Variants in PHF14 observed in about 807,000 individuals in gnomAD.
PHF14 encodes the protein PHD finger protein 14.
Under a neutral mutation model 117.9 loss-of-function variants are expected in PHF14, and 55 were observed. The observed-to-expected ratio is 0.47, with a 90% CI of 0.38 to 0.58. The LOEUF (loss-of-function observed/expected upper bound fraction) is 0.58. Ranked by LOEUF, PHF14 falls within the 20% of genes least tolerant of loss-of-function variation. The pLI, the probability that PHF14 is intolerant of heterozygous loss-of-function variation, is 0.00. For synonymous variants in PHF14, 409 were observed against 368.6 expected, an observed-to-expected ratio of 1.11 and a Z score of -1.26; for missense variants, 978 against 1,122.2, an observed-to-expected ratio of 0.87 and a Z score of 1.84.
At chr7:11,114,124 T>C (rs569399966) in intron 17 of PHF14, among the ~76,000 whole-genome samples, 38 of 152,252 alleles carry the variant, frequency 2.5e-4, no homozygotes, top group Non-Finnish European at 4.6e-4. Flanking sequence ...ATTTAGATGG[T>C]AAAATGTCTC....
rs1435564639 is a variant in PHF14, at chr7:10,975,036, A to G, written c.112+91A>G. 2.5e-5 allele frequency: 18 copies of G among 715,954 alleles called. No homozygotes were observed. In the Admixed American group the frequency reaches 2.9e-4, roughly 11 times the overall value. The allele number at this position is 715,954 out of a possible 1,614,324, so 44.4% of individuals were successfully genotyped here. A position where few individuals can be genotyped will look rare whatever the true frequency, so the allele number is the denominator to read the frequency against. ...TAAATCGGTTTTGATTAAAATGCCAATTTTAAGTGAAAGCACGTAAACTTC... is the reference window on the plus strand; with the variant it reads ...TAAATCGGTTTTGATTAAAATGCCAGTTTTAAGTGAAAGCACGTAAACTTC... On this transcript the variant is annotated intron_variant, in intron 2 of 17. Transcript: ENST00000634607.
intron 17 of PHF14, among the ~76,000 whole-genome samples, chr7:11,136,981 G>A (rs1400543635): frequency 1.3e-5 from 2 of 152,144 alleles, no homozygotes; most frequent in African/African-American, 2.4e-5. Context: ...CTAACATTTC[G>A]TTAGGACCTT....
chr7:10,994,624 G>T (rs1782569056), intron 4 of PHF14, among the ~76,000 whole-genome samples: 1 of 152,140 alleles, frequency 6.6e-6, no homozygotes, highest in Non-Finnish European at 1.5e-5. Context: ...GAATTGGTGG[G>T]TTCTTGGTTT....
At chr7:10,976,642 CAT>C (rs1031028837) in intron 2 of PHF14, among the ~76,000 whole-genome samples, 1 of 151,918 alleles carries the variant, frequency 6.6e-6, no homozygotes, top group African/African-American at 2.4e-5. Context: ...CTGATACAAA[CAT>C]AAAGTACTTT....
At chr7:11,107,829 T>A in intron 16 of PHF14, 5 of 679,348 alleles carry the variant, frequency 7.4e-6, no homozygotes, top group Non-Finnish European at 9.1e-6. Context: ...AATTTTGTCC[T>A]ATATTATGTG....
intron 16 of PHF14, chr7:11,104,972 A>G (rs1787211585): frequency 4.4e-6 from 4 of 917,546 alleles, no homozygotes; most frequent in African/African-American, 1.8e-5. Flanking sequence ...TCCTCTAGAT[A>G]AAAGAATTAG....
At chr7:11,041,424 TTGTGTGTGTG>T (rs58282147) in intron 12 of PHF14, among the ~76,000 whole-genome samples, 2 of 150,272 alleles carry the variant, frequency 1.3e-5, no homozygotes, top group Non-Finnish European at 3.0e-5. Context: ...GCTGGTGTTT[TTGTGTGTGTG>T]TGTGTGTGTA....
At chr7:11,025,894 C>G (rs1783891315) in intron 6 of PHF14, among the ~76,000 whole-genome samples, 1 of 152,022 alleles carries the variant, frequency 6.6e-6, no homozygotes, top group Non-Finnish European at 1.5e-5. Context: ...GGTGGGTCAC[C>G]TGAGGTCAGG....
intron 4 of PHF14, chr7:11,006,803 T>C: frequency 1.2e-6 from 1 of 802,542 alleles, no homozygotes; most frequent in Non-Finnish European, 2.1e-6. Flanking sequence ...CTTCTTGGCC[T>C]TGAAAGCCTT....
chr7:11,104,741 C>G, intron 16 of PHF14: 1 of 653,628 alleles, frequency 1.5e-6, no homozygotes, highest in Non-Finnish European at 1.9e-6. Context: ...GATCTGCCCT[C>G]TGCCCACTTT....
chr7:10,983,589 G>C (rs1162630262), intron 3 of PHF14, among the ~76,000 whole-genome samples: 1 of 152,038 alleles, frequency 6.6e-6, no homozygotes, highest in Admixed American at 6.6e-5. Flanking sequence ...CCTTAGAGCA[G>C]GGCAACAGTC....
intron 17 of PHF14, among the ~76,000 whole-genome samples, chr7:11,129,723 G>A (rs1218023889): frequency 1.3e-5 from 2 of 151,850 alleles, no homozygotes; most frequent in Non-Finnish European, 2.9e-5. Context: ...TTCACTAGGT[G>A]CTTCAGATGT....
intron 16 of PHF14, among the ~76,000 whole-genome samples, chr7:11,090,587 G>T (rs942086810): frequency 1.3e-5 from 2 of 152,150 alleles, no homozygotes; most frequent in Non-Finnish European, 2.9e-5. Context: ...CATTGAGCAC[G>T]TTGACTGAAG....
At chr7:11,125,512 CAATTCTTTTGTT>C (rs1562477891) in intron 17 of PHF14, among the ~76,000 whole-genome samples, 2 of 151,988 alleles carry the variant, frequency 1.3e-5, no homozygotes, top group South Asian at 2.1e-4. Flanking sequence ...CTTTTGCTGA[CAATTCTTTTGTT>C]AATTCTTTTG....
At chr7:11,088,232 A>G (rs1379939263) in intron 16 of PHF14, among the ~76,000 whole-genome samples, 2 of 152,176 alleles carry the variant, frequency 1.3e-5, no homozygotes, top group African/African-American at 4.8e-5. Context: ...CTATGTAAAT[A>G]GTTGTTATAC....
At chr7:11,159,519 T>G (rs774289026) in intron 17 of PHF14, among the ~76,000 whole-genome samples, 1 of 152,146 alleles carries the variant, frequency 6.6e-6, no homozygotes, top group Admixed American at 6.6e-5. Context: ...AATGATTTTC[T>G]TAATTTTCAA....
At chr7:11,067,225 A>G (rs1267747128) in intron 16 of PHF14, among the ~76,000 whole-genome samples, 3 of 152,206 alleles carry the variant, frequency 2.0e-5, no homozygotes, top group African/African-American at 7.2e-5. Flanking sequence ...ATCACGAATC[A>G]TTCAGGAAGA....
intron 17 of PHF14, among the ~76,000 whole-genome samples, chr7:11,123,736 C>T (rs959302293): frequency 6.6e-6 from 1 of 151,972 alleles, no homozygotes; most frequent in Non-Finnish European, 1.5e-5. Flanking sequence ...ACCGAGATCA[C>T]ACCACTACAC....
intron 1 of PHF14, 133 bp from the exon 2 acceptor site, chr7:10,974,702 G>T: frequency 1.6e-6 from 1 of 621,230 alleles, no homozygotes; most frequent in South Asian, 2.0e-5. Flanking sequence ...ACCTTCTCCT[G>T]ACCCCTTTTG....
Sources: gnomAD v4.1 joint callset for allele counts (sites outside exome capture counted in the v4.1 genomes callset) on GRCh38, gnomAD v4.1.1 for gene constraint, MANE v1.5 for transcripts, NCBI Gene and HGNC (gene_info 2026-07-23, HGNC 2026-07-21) for gene names.